The following MYO3B variants were observed in gnomAD, a reference collection of about 807,000 sequenced individuals.
MYO3B encodes the protein myosin-IIIb.
In MYO3B, 156 loss-of-function variants were observed where a neutral mutation model predicts 174.6. That is an observed-to-expected ratio of 0.89 (90% CI 0.78 to 1.02). The LOEUF (loss-of-function observed/expected upper bound fraction) is 1.02. MYO3B is among the 50% of genes least tolerant of loss of function. The probability of loss-of-function intolerance (pLI) is 0.00; values close to 1 mark genes in which losing one functional copy is unlikely to be tolerated. For synonymous variants in MYO3B, 563 were observed against 569.1 expected (o/e 0.99, Z 0.15); for missense variants, 1,632 against 1,639.4 (o/e 1.00, Z 0.08).
intron 25 of MYO3B, among the ~76,000 whole-genome samples, chr2:170,488,400 A>G (rs1686207345): frequency 6.6e-6 from 1 of 152,096 alleles, no homozygotes. Flanking sequence ...AAAGTTGCCC[A>G]TTTGTGTGTG....
intron 8 of MYO3B, among the ~76,000 whole-genome samples, chr2:170,353,828 A>G (rs1037690739): frequency 2.0e-5 from 3 of 152,238 alleles, no homozygotes; most frequent in African/African-American, 7.2e-5. Context: ...GCATTCTCTT[A>G]TTAGAGTATT....
At chr2:170,235,754 G>A (rs1386388574) in intron 6 of MYO3B, among the ~76,000 whole-genome samples, 1 of 152,084 alleles carries the variant, frequency 6.6e-6, no homozygotes, top group African/African-American at 2.4e-5. Flanking sequence ...TTACTTAGAC[G>A]GTTCAATGCA....
At chr2:170,234,570 C>T (rs867723010) in intron 6 of MYO3B, among the ~76,000 whole-genome samples, 6 of 152,224 alleles carry the variant, frequency 3.9e-5, no homozygotes, top group African/African-American at 1.4e-4. Flanking sequence ...TCTTACGATT[C>T]TCTAGATCAG....
intron 32 of MYO3B, among the ~76,000 whole-genome samples, chr2:170,586,966 C>T (rs1693529868): frequency 6.6e-6 from 1 of 152,162 alleles, no homozygotes; most frequent in African/African-American, 2.4e-5. Flanking sequence ...AGCTTTGGAA[C>T]TCAATTCGTA....
chr2:170,228,801 C>T (rs549704819), intron 6 of MYO3B, among the ~76,000 whole-genome samples: 1 of 151,958 alleles, frequency 6.6e-6, no homozygotes, highest in African/African-American at 2.4e-5. Context: ...AATTAGAGAC[C>T]TTCCTGAAGT....
In MYO3B at chr2:170,233,614, G is replaced by A. The variant is rs1284435115; in HGVS notation, c.604-2377G>A. On this transcript the variant is annotated intron_variant, in intron 6 of 34. Coordinates refer to ENST00000408978, the MANE Select transcript of MYO3B (RefSeq NM_138995.5). ...GTTTGAATGTACATTTGAAAATAAC[G>A]TGTTAAAAGTATGACAGGATATTCT... Among the ~76,000 whole-genome samples the A allele has an allele frequency of 7.2e-5, 11 of 152,268 alleles. No individual in the cohort carries two copies. In the South Asian group the frequency reaches 1.0e-3, roughly 14 times the overall value.
intron 32 of MYO3B, among the ~76,000 whole-genome samples, chr2:170,598,336 C>A (rs112361835): frequency 1.3e-5 from 2 of 152,350 alleles, no homozygotes; most frequent in African/African-American, 4.8e-5. Context: ...AAGGGCCTCA[C>A]GAACGAATTC....
chr2:170,565,898 A>G (rs1692045320), intron 32 of MYO3B, among the ~76,000 whole-genome samples: 2 of 152,194 alleles, frequency 1.3e-5, no homozygotes, highest in African/African-American at 4.8e-5. Context: ...AAATTTGCAT[A>G]GTCTATGGAG....
chr2:170,432,219 T>C lies in MYO3B; in HGVS notation c.2651-11748T>C, dbSNP rs368950538. ...TAGGAGGTATTCTAGAAGAAACCATTGTGATTATAGGAGATGGCAACTCCC... is the reference window on the plus strand; with the variant it reads ...TAGGAGGTATTCTAGAAGAAACCATCGTGATTATAGGAGATGGCAACTCCC... On this transcript the variant is annotated intron_variant, in intron 22 of 34. Coordinates refer to ENST00000408978, the MANE Select transcript of MYO3B (RefSeq NM_138995.5). Among the ~76,000 whole-genome samples the C allele has an allele frequency of 4.2e-4, 64 of 152,266 alleles. No individual in the cohort carries two copies. In the South Asian group the frequency reaches 0.013, roughly 31 times the overall value.
chr2:170,298,808 G>T (rs892141446), intron 7 of MYO3B, among the ~76,000 whole-genome samples: 1 of 151,948 alleles, frequency 6.6e-6, no homozygotes, highest in African/African-American at 2.4e-5. Flanking sequence ...ACCATATAAT[G>T]ATGTTTTGGT....
At chr2:170,438,510 A>G (rs1409328210) in intron 22 of MYO3B, among the ~76,000 whole-genome samples, 1 of 151,990 alleles carries the variant, frequency 6.6e-6, no homozygotes, top group Non-Finnish European at 1.5e-5. Context: ...TTTATACTAC[A>G]TTTTCCATAG....
At chr2:170,319,169 T>C (rs2105489676) in intron 7 of MYO3B, among the ~76,000 whole-genome samples, 1 of 152,344 alleles carries the variant, frequency 6.6e-6, no homozygotes, top group South Asian at 2.1e-4. Flanking sequence ...ATTCTCAAAC[T>C]GCACTATGAG....
intron 7 of MYO3B, among the ~76,000 whole-genome samples, chr2:170,276,285 G>C (rs1261533846): frequency 1.3e-5 from 2 of 152,104 alleles, no homozygotes; most frequent in Non-Finnish European, 2.9e-5. Flanking sequence ...GAGAATGTTT[G>C]AGTGAAACAA....
At chr2:170,279,211 A>G (rs1420981214) in intron 7 of MYO3B, among the ~76,000 whole-genome samples, 2 of 151,934 alleles carry the variant, frequency 1.3e-5, no homozygotes, top group African/African-American at 2.4e-5. Context: ...TCTCTTTACT[A>G]TTTTCCCTAA....
At chr2:170,367,872 G>T (rs1323908959) in intron 8 of MYO3B, among the ~76,000 whole-genome samples, 1 of 152,268 alleles carries the variant, frequency 6.6e-6, no homozygotes, top group East Asian at 1.9e-4. Flanking sequence ...GCAAGGCAGA[G>T]GTGGTATTTA....
At chr2:170,534,602 C>T (rs570350875) in intron 30 of MYO3B, among the ~76,000 whole-genome samples, 36 of 152,204 alleles carry the variant, frequency 2.4e-4, no homozygotes, top group Non-Finnish European at 4.1e-4. Context: ...TGCGCCACCA[C>T]GCCTGACTAA....
At chr2:170,374,867 A>G (rs1314706901) in intron 9 of MYO3B, among the ~76,000 whole-genome samples, 2 of 152,090 alleles carry the variant, frequency 1.3e-5, no homozygotes, top group Admixed American at 1.3e-4. Context: ...TTGAGATTTG[A>G]TAGATACCAT....
At chr2:170,323,371 T>G (rs1450746374) in intron 7 of MYO3B, among the ~76,000 whole-genome samples, 1 of 152,202 alleles carries the variant, frequency 6.6e-6, no homozygotes, top group Non-Finnish European at 1.5e-5. Context: ...TGCTAATGCT[T>G]AAGTTGATAG....
At chr2:170,629,392 A>G (rs139916903) in intron 32 of MYO3B, among the ~76,000 whole-genome samples, 19 of 152,216 alleles carry the variant, frequency 1.2e-4, no homozygotes, top group Middle Eastern at 3.4e-3. Context: ...CCCCATCCCA[A>G]GCATCTATAA....
Sources: gnomAD v4.1 joint callset for allele counts (sites outside exome capture counted in the v4.1 genomes callset) on GRCh38, gnomAD v4.1.1 for gene constraint, MANE v1.5 for transcripts, NCBI Gene and HGNC (gene_info 2026-07-23, HGNC 2026-07-21) for gene names.